The following ERC2 variants were observed in gnomAD, a reference collection of about 807,000 sequenced individuals.
ERC2 encodes the protein ERC protein 2.
In ERC2, 42 loss-of-function variants were observed where a neutral mutation model predicts 114.8. The ratio of observed to expected loss-of-function variants is 0.37; its 90% CI spans 0.29 to 0.47. The LOEUF (loss-of-function observed/expected upper bound fraction) is 0.47. Ranked by LOEUF, ERC2 falls within the 20% of genes least tolerant of loss-of-function variation. The probability of loss-of-function intolerance (pLI) is 0.99; values close to 1 mark genes in which losing one functional copy is unlikely to be tolerated. For synonymous variants in ERC2, 454 were observed against 425.5 expected (o/e 1.07, Z -0.82); for missense variants, 939 against 1,150.7 (o/e 0.82, Z 2.66).
chr3:56,443,219 C>T (rs532509624), intron 1 of ERC2, among the ~76,000 whole-genome samples: 1 of 152,304 alleles, frequency 6.6e-6, no homozygotes, highest in South Asian at 2.1e-4. Flanking sequence ...CTTACAACAC[C>T]AAGATCACAA....
chr3:56,298,659 A>C (rs1277651547), intron 2 of ERC2, among the ~76,000 whole-genome samples: 6 of 148,698 alleles, frequency 4.0e-5, no homozygotes, highest in African/African-American at 2.5e-5. Context: ...GTCCAGAATA[A>C]ACATATCCAT....
intron 17 of ERC2, among the ~76,000 whole-genome samples, chr3:55,582,866 TG>T (rs1261055317): frequency 6.6e-6 from 1 of 152,228 alleles, no homozygotes; most frequent in Non-Finnish European, 1.5e-5. Flanking sequence ...ATGTACTGCA[TG>T]GTGGTGAAGA....
At chr3:55,652,055 A>G (rs191257201) in intron 17 of ERC2, among the ~76,000 whole-genome samples, 2 of 152,234 alleles carry the variant, frequency 1.3e-5, no homozygotes, top group Admixed American at 6.5e-5. Context: ...GAGCGGGATA[A>G]GCCATTTTCC....
At chr3:55,927,606 A>G (rs945829571) in intron 13 of ERC2, among the ~76,000 whole-genome samples, 1 of 152,096 alleles carries the variant, frequency 6.6e-6, no homozygotes, top group Non-Finnish European at 1.5e-5. Context: ...AAATAATTCT[A>G]TTCTATTCTT....
chr3:55,854,103 C>G (rs909624938), intron 14 of ERC2, among the ~76,000 whole-genome samples: 2 of 151,990 alleles, frequency 1.3e-5, no homozygotes. Context: ...GGTAAAAACC[C>G]GTCGCTACTA....
intron 12 of ERC2, among the ~76,000 whole-genome samples, chr3:55,965,939 GA>G (rs1239218792): frequency 6.6e-6 from 1 of 152,122 alleles, no homozygotes; most frequent in Non-Finnish European, 1.5e-5. Flanking sequence ...CTGATTAAAT[GA>G]GAAGACAGAA....
At chr3:55,749,982 A>G (rs1300891312) in intron 14 of ERC2, among the ~76,000 whole-genome samples, 3 of 152,210 alleles carry the variant, frequency 2.0e-5, no homozygotes, top group Non-Finnish European at 4.4e-5. Context: ...ATGAAAAGAT[A>G]TCTTTAAGGA....
chr3:55,703,947 C>A (rs17055792), intron 15 of ERC2, among the ~76,000 whole-genome samples: 4 of 152,104 alleles, frequency 2.6e-5, no homozygotes, highest in African/African-American at 9.7e-5. Flanking sequence ...CAATACTCTA[C>A]CACCTCCCTG....
At chr3:56,392,968 A>T (rs1207091069) in intron 2 of ERC2, among the ~76,000 whole-genome samples, 1 of 152,066 alleles carries the variant, frequency 6.6e-6, no homozygotes, top group East Asian at 1.9e-4. Flanking sequence ...TCTTGCCCAC[A>T]AGTCCTTTCT....
At chr3:56,210,340 C>A (rs1298185252) in intron 3 of ERC2, among the ~76,000 whole-genome samples, 1 of 152,180 alleles carries the variant, frequency 6.6e-6, no homozygotes, top group Non-Finnish European at 1.5e-5. Context: ...ATTTATGACT[C>A]AAAATCTGCT....
At chr3:55,516,898 T>C (rs1330026213) in intron 17 of ERC2, among the ~76,000 whole-genome samples, 1 of 152,202 alleles carries the variant, frequency 6.6e-6, no homozygotes, top group African/African-American at 2.4e-5. Flanking sequence ...CTGATGCAGT[T>C]GGTTAATAGC....
chr3:56,311,102 T>C (rs1301582302), intron 2 of ERC2, among the ~76,000 whole-genome samples: 2 of 151,350 alleles, frequency 1.3e-5, no homozygotes, highest in Non-Finnish European at 2.9e-5. Flanking sequence ...GATTTAACCA[T>C]TGTTGAACTA....
At chr3:55,541,505 T>C (rs2054392867) in intron 17 of ERC2, among the ~76,000 whole-genome samples, 1 of 152,216 alleles carries the variant, frequency 6.6e-6, no homozygotes, top group Non-Finnish European at 1.5e-5. Context: ...GGCTTTCCAT[T>C]GCAAATAAAT....
At chr3:55,511,609 G>T (rs929197327) in intron 17 of ERC2, among the ~76,000 whole-genome samples, 1 of 152,080 alleles carries the variant, frequency 6.6e-6, no homozygotes, top group Non-Finnish European at 1.5e-5. Flanking sequence ...CCACATAATC[G>T]GACTATATGT....
chr3:56,165,319 G>C (rs1299003465), intron 4 of ERC2, among the ~76,000 whole-genome samples: 1 of 151,828 alleles, frequency 6.6e-6, no homozygotes, highest in Non-Finnish European at 1.5e-5. Context: ...TATGGCAATA[G>C]CTTTTTTTTT....
chr3:55,603,665 C>T (rs969805455), intron 17 of ERC2, among the ~76,000 whole-genome samples: 2 of 148,666 alleles, frequency 1.3e-5, no homozygotes, highest in African/African-American at 4.9e-5. Context: ...AAAAAAAAGC[C>T]CTTTGCCTCA....
At chr3:55,907,130 G>A (rs145625470) in intron 13 of ERC2, among the ~76,000 whole-genome samples, 1 of 152,168 alleles carries the variant, frequency 6.6e-6, no homozygotes, top group Non-Finnish European at 1.5e-5. Flanking sequence ...CTGAAGTAGT[G>A]GTGATGTCAC....
chr3:56,063,278 A>T (rs184671644), intron 7 of ERC2, among the ~76,000 whole-genome samples: 169 of 152,346 alleles, frequency 1.1e-3, no homozygotes, highest in African/African-American at 3.9e-3. Context: ...GCCCCGTGTC[A>T]TGATTGTGAA....
chr3:55,848,713 T>C (rs2061460769), intron 14 of ERC2, among the ~76,000 whole-genome samples: 1 of 152,178 alleles, frequency 6.6e-6, no homozygotes. Context: ...TCCCTGATTA[T>C]GGAAGGGAAG....
Sources: allele counts gnomAD v4.1 joint callset (sites outside exome capture counted in the v4.1 genomes callset), GRCh38; gene constraint gnomAD v4.1.1; transcripts MANE v1.5; gene names NCBI Gene and HGNC (gene_info 2026-07-23, HGNC 2026-07-21).